The following RP1 variants were observed in gnomAD, a reference collection of about 807,000 sequenced individuals.
The protein encoded by RP1 is RP1 axonemal microtubule associated.
A neutral mutation model predicts 14.8 loss-of-function variants in RP1; 16 were observed. The ratio of observed to expected loss-of-function variants is 1.08; its 90% CI spans 0.73 to 1.65. RP1 has a LOEUF of 1.65. RP1 is among the 40% of genes most tolerant of loss of function. The pLI is 0.00. For missense variants in RP1, 2,631 were observed against 2,535.0 expected (o/e 1.04, Z -0.81); for synonymous variants, 876 against 883.6 (o/e 0.99, Z 0.15).
At chr8:54,705,541 C>T (rs184792293) in intron 14 of RP1, among the ~76,000 whole-genome samples, 1 of 152,272 alleles carries the variant, frequency 6.6e-6, no homozygotes, top group East Asian at 1.9e-4. Context: ...TGACTCAAAG[C>T]CCCCTACCCT....
intron 1 of RP1, among the ~76,000 whole-genome samples, chr8:54,567,103 A>G (rs1366759360): frequency 6.6e-6 from 1 of 152,190 alleles, no homozygotes; most frequent in African/African-American, 2.4e-5. Context: ...GCTGATTTCA[A>G]TACTCAAGTC....
chr8:54,576,611 T>G (rs1804670094), intron 1 of RP1, among the ~76,000 whole-genome samples: 1 of 152,206 alleles, frequency 6.6e-6, no homozygotes, highest in South Asian at 2.1e-4. Context: ...GGGTTCTCAT[T>G]TTAATTCGGA....
At chr8:54,586,439 G>T (rs13268633) in intron 1 of RP1, among the ~76,000 whole-genome samples, 30 of 152,166 alleles carry the variant, frequency 2.0e-4, no homozygotes, top group Admixed American at 9.8e-4. Flanking sequence ...GGCTACTCAG[G>T]GGTCAGGGAC....
At chr8:54,852,684 C>T in exon 26 of RP1, 2 of 1,232,042 alleles carry the variant, frequency 1.6e-6, no homozygotes, top group Non-Finnish European at 2.0e-6. Flanking sequence ...AAAACGAAGA[C>T]TTCATCAGTC....
At chr8:54,734,670 G>A in exon 18 of RP1, 4 of 1,535,796 alleles carry the variant, frequency 2.6e-6, no homozygotes, top group Non-Finnish European at 3.5e-6. Context: ...AGATAAAGGA[G>A]TCACTGGGCC....
chr8:54,679,398 C>T (rs1807371166), intron 9 of RP1: 7 of 1,520,680 alleles, frequency 4.6e-6, no homozygotes, highest in Middle Eastern at 3.4e-4. Flanking sequence ...TGAAAATAAT[C>T]GATACACTTT....
intron 26 of RP1, among the ~76,000 whole-genome samples, chr8:54,853,231 C>A (rs989885034): frequency 1.3e-5 from 2 of 152,054 alleles, no homozygotes; most frequent in African/African-American, 4.8e-5. Flanking sequence ...CCTCATGGGG[C>A]TGGGATTTCT....
chr8:54,865,155 G>C (rs890677696), intron 27 of RP1, among the ~76,000 whole-genome samples: 7 of 151,424 alleles, frequency 4.6e-5, no homozygotes, highest in Non-Finnish European at 1.0e-4. Flanking sequence ...TTTTCTCTCT[G>C]GTTAATAGAA....
At chr8:54,576,270 C>G (rs1804659703) in intron 1 of RP1, among the ~76,000 whole-genome samples, 2 of 152,162 alleles carry the variant, frequency 1.3e-5, no homozygotes, top group African/African-American at 4.8e-5. Context: ...GAGTCTCGAT[C>G]TCCTGACTTC....
Position 54,708,659 on chromosome 8 carries a change from G to GA in RP1, c.2211+2006dup, listed in dbSNP as rs1808217263. 3.3e-5 allele frequency among the ~76,000 whole-genome samples: 5 copies of GA among 151,960 alleles called. No individual in the cohort carries two copies. The South Asian group carries it at 1.0e-3, about 32-fold the overall frequency. ...CAGGCGTGAGCCACTGAGCCCAGCT[G>GA]AATGGTGATTTCTTGGTTCTTCACT... On this transcript the variant is annotated intron_variant, in intron 15 of 22. Transcript: ENST00000636932.
chr8:54,626,607 C>T lies in RP1; in HGVS notation c.2725C>T (p.His909Tyr). 3 of 1,613,512 alleles carry T rather than the reference C, an allele frequency of 1.9e-6. No individual in the cohort carries two copies. The highest frequency in any genetic ancestry group is 2.5e-6 in the Non-Finnish European group (3 of 1,179,876). The change falls in exon 4 of 4, where the codon CAT becomes TAT. Residue 909 changes from histidine to tyrosine, a missense_variant. By Grantham distance (83) the His-to-Tyr change is moderately conservative (BLOSUM62 2). Coordinates refer to ENST00000220676, the MANE Select transcript of RP1 (RefSeq NM_006269.2). ...KKPDFPEAIA[H>Y]HSIQNYIQSW... ...ACCTGATTTTCCTGAGGCTATTGCT[C>T]ATCATTCAATTCAAAATTATATACA...
intron 24 of RP1, among the ~76,000 whole-genome samples, chr8:54,788,606 C>T (rs1810386802): frequency 6.6e-6 from 1 of 152,074 alleles, no homozygotes; most frequent in Admixed American, 6.6e-5. Flanking sequence ...ATGGCAGATC[C>T]TAGGGACAAT....
chr8:54,854,954 A>G (rs1441267875), intron 26 of RP1, among the ~76,000 whole-genome samples: 2 of 152,220 alleles, frequency 1.3e-5, no homozygotes, highest in Admixed American at 1.3e-4. Flanking sequence ...ATTTTCTTAC[A>G]GTATAATGGT....
At chr8:54,806,418 A>T (rs902946839) in intron 24 of RP1, among the ~76,000 whole-genome samples, 3 of 152,122 alleles carry the variant, frequency 2.0e-5, no homozygotes, top group Non-Finnish European at 2.9e-5. Context: ...GAGCTGATTT[A>T]AAACACCAAA....
chr8:54,764,606 G>A (rs987154920), intron 22 of RP1, among the ~76,000 whole-genome samples: 5 of 152,170 alleles, frequency 3.3e-5, no homozygotes, highest in African/African-American at 4.8e-5. Flanking sequence ...TTTTCCCCAA[G>A]GTTGGGCTGA....
intron 28 of RP1, among the ~76,000 whole-genome samples, chr8:54,866,438 G>A (rs1029563852): frequency 1.3e-5 from 2 of 152,128 alleles, no homozygotes; most frequent in Non-Finnish European, 1.5e-5. Context: ...TTCCTTGGCC[G>A]GGTGGTCATA....
rs140442863 is a variant in RP1, at chr8:54,589,503, C to A, written c.-13+30183C>A. Among the ~76,000 whole-genome samples, 1,225 of 152,260 alleles carry A rather than the reference C, an allele frequency of 8.0e-3. 9 individuals are homozygous for A. Among genetic ancestry groups the A allele is most frequent in the African/African-American group, 0.027 (1,140 of 41,546 alleles). On this transcript the variant is annotated intron_variant, in intron 1 of 22. Coordinates refer to the RP1 transcript ENST00000636932. ...CTATTTCAACCTACATGATTTAGCT[C>A]CTTGGGCCCAATGACAGCACAGGTC...
upstream of RP1, among the ~76,000 whole-genome samples, chr8:54,612,816 C>G (rs1463524374): frequency 2.0e-5 from 3 of 152,238 alleles, no homozygotes; most frequent in Non-Finnish European, 4.4e-5. Flanking sequence ...CACTTACTCT[C>G]TCTGCCAGGA....
chr8:54,559,626 C>T (rs376618928), intron 1 of RP1, among the ~76,000 whole-genome samples: 9 of 152,168 alleles, frequency 5.9e-5, no homozygotes, highest in Admixed American at 1.3e-4. Context: ...GATATCCTCA[C>T]GGCCTGTACA....
Sources: gnomAD v4.1 joint callset for allele counts (sites outside exome capture counted in the v4.1 genomes callset) on GRCh38, gnomAD v4.1.1 for gene constraint, MANE v1.5 for transcripts, NCBI Gene and HGNC (gene_info 2026-07-23, HGNC 2026-07-21) for gene names.